The following ADGRV1 variants were observed in gnomAD, a reference collection of about 807,000 sequenced individuals.
The protein encoded by ADGRV1 is G-protein coupled receptor 98.
In ADGRV1, 359 loss-of-function variants were observed where a neutral mutation model predicts 596.2. The ratio of observed to expected loss-of-function variants is 0.60; its 90% CI spans 0.55 to 0.66. ADGRV1 has a LOEUF of 0.66. ADGRV1 is among the 30% of genes least tolerant of loss of function. ADGRV1 has a pLI of 0.00. For missense variants in ADGRV1, 7,274 were observed against 7,575.6 expected (o/e 0.96, Z 1.48); for synonymous variants, 2,681 against 2,679.2 (o/e 1.00, Z -0.02).
At chr5:90,799,764 A>C (rs564902101) in intron 70 of ADGRV1, among the ~76,000 whole-genome samples, 1 of 152,342 alleles carries the variant, frequency 6.6e-6, no homozygotes, top group South Asian at 2.1e-4. Flanking sequence ...GAGGCCTCAG[A>C]AATACACCAC....
At chr5:90,897,346 T>G (rs945921599) in intron 83 of ADGRV1, among the ~76,000 whole-genome samples, 1 of 152,174 alleles carries the variant, frequency 6.6e-6, no homozygotes, top group South Asian at 2.1e-4. Context: ...TTTTTTACCC[T>G]TACCTGCTGC....
intron 60 of ADGRV1, among the ~76,000 whole-genome samples, chr5:90,775,269 G>A (rs1260143369): frequency 1.3e-5 from 2 of 151,940 alleles, no homozygotes; most frequent in South Asian, 2.1e-4. Flanking sequence ...GTATACTTAG[G>A]GTAGTTATAA....
intron 83 of ADGRV1, among the ~76,000 whole-genome samples, chr5:90,892,961 G>A (rs1298972630): frequency 6.6e-6 from 1 of 152,164 alleles, no homozygotes; most frequent in Non-Finnish European, 1.5e-5. Flanking sequence ...GTTGCAAGCA[G>A]ATTTGTCTAT....
intron 83 of ADGRV1, among the ~76,000 whole-genome samples, chr5:90,950,541 C>T (rs757880158): frequency 2.0e-4 from 30 of 152,206 alleles, no homozygotes; most frequent in Non-Finnish European, 2.8e-4. Flanking sequence ...AGGCTGGTCT[C>T]GAACTCATGA....
At chr5:91,022,327 A>C (rs1383954032) in intron 85 of ADGRV1, among the ~76,000 whole-genome samples, 2 of 152,048 alleles carry the variant, frequency 1.3e-5, no homozygotes, top group Non-Finnish European at 2.9e-5. Flanking sequence ...ATCCGGACTT[A>C]GGCTTAGGTC....
intron 85 of ADGRV1, among the ~76,000 whole-genome samples, chr5:91,032,773 G>T (rs532400954): frequency 7.2e-4 from 110 of 152,154 alleles, no homozygotes; most frequent in African/African-American, 2.6e-3. Flanking sequence ...TTTTCTCTTA[G>T]ATGCATATAG....
chr5:90,681,271 GATC>G (rs1580715054), intron 26 of ADGRV1, 41 bp from the exon 27 acceptor site: 1 of 1,595,864 alleles, frequency 6.3e-7, no homozygotes, highest in Non-Finnish European at 8.5e-7. Context: ...GTAAATTACT[GATC>G]ATCATTTTTT....
At chr5:90,726,698 C>A (rs970668985) in intron 48 of ADGRV1, among the ~76,000 whole-genome samples, 1 of 151,670 alleles carries the variant, frequency 6.6e-6, no homozygotes, top group African/African-American at 2.4e-5. Flanking sequence ...TTCTCAGTCC[C>A]CATTGCCAGT....
At chr5:90,804,363 T>C (rs968755284) in intron 71 of ADGRV1, among the ~76,000 whole-genome samples, 7 of 151,516 alleles carry the variant, frequency 4.6e-5, no homozygotes, top group Non-Finnish European at 7.4e-5. Flanking sequence ...GATCGTACCA[T>C]TGCACTCCAG....
chr5:90,728,834 A>T lies in ADGRV1; in HGVS notation c.10327A>T (p.Ile3443Phe). ...LLFRWSGSGF[I>F]NFQEVPVSGT... ...ATTCAGATGGTCTGGCAGTGGGTTTATTAACTTTCAAGAGGTGCCTGTCAG... is the reference window on the plus strand; with the variant it reads ...ATTCAGATGGTCTGGCAGTGGGTTTTTTAACTTTCAAGAGGTGCCTGTCAG... Residue 3443 changes from isoleucine to phenylalanine, a missense_variant, in exon 49 of 90, where the codon ATT (isoleucine) becomes TTT (phenylalanine). Coordinates refer to ENST00000405460, the MANE Select transcript of ADGRV1 (RefSeq NM_032119.4). 6.2e-7 allele frequency: 1 copy of T among 1,613,894 alleles called. No homozygotes were observed. Among genetic ancestry groups the T allele is most frequent in the Non-Finnish European group, 8.5e-7 (1 of 1,179,842 alleles).
At chr5:90,626,361 T>C (rs1764756083) in intron 6 of ADGRV1, 1 of 152,208 alleles carries the variant, frequency 6.6e-6, no homozygotes, top group South Asian at 2.1e-4. Flanking sequence ...TTGAACGGGC[T>C]ATAATTTGGG....
At chr5:90,630,329 A>G (rs936151153) in intron 9 of ADGRV1, 3 of 152,172 alleles carry the variant, frequency 2.0e-5, no homozygotes, top group African/African-American at 7.2e-5. Context: ...CTTTTAAATA[A>G]TATACTCAAA....
At chr5:90,719,859 G>C (rs1335919181) in intron 43 of ADGRV1, among the ~76,000 whole-genome samples, 189 bp from the exon 44 acceptor site, 3 of 152,162 alleles carry the variant, frequency 2.0e-5, no homozygotes, top group Non-Finnish European at 2.9e-5. Flanking sequence ...TCACAAAGTT[G>C]AAAATCCTAA....
intron 1 of ADGRV1, among the ~76,000 whole-genome samples, chr5:90,566,420 T>C (rs552481578): frequency 6.6e-6 from 1 of 152,194 alleles, no homozygotes; most frequent in Admixed American, 6.5e-5. Context: ...TCTTTTTTCA[T>C]TGAATTGGCT....
intron 83 of ADGRV1, among the ~76,000 whole-genome samples, chr5:90,958,861 C>T (rs1318754168): frequency 1.3e-5 from 2 of 152,138 alleles, no homozygotes; most frequent in Admixed American, 6.6e-5. Flanking sequence ...GGAGAGGAAA[C>T]AATTTAGCCC....
chr5:91,113,940 C>G (rs185617648), intron 87 of ADGRV1, among the ~76,000 whole-genome samples: 2 of 147,130 alleles, frequency 1.4e-5, no homozygotes, highest in Non-Finnish European at 3.0e-5. Context: ...AAAAAAATGC[C>G]AGGTGCAGTG....
At chr5:91,146,354 G>C (rs2126872473) in intron 87 of ADGRV1, among the ~76,000 whole-genome samples, 1 of 152,284 alleles carries the variant, frequency 6.6e-6, no homozygotes, top group East Asian at 1.9e-4. Context: ...AGCCAGTGTA[G>C]GCGATGTCAG....
At chr5:91,017,867 G>A (rs1275216710) in intron 85 of ADGRV1, among the ~76,000 whole-genome samples, 8 of 151,732 alleles carry the variant, frequency 5.3e-5, no homozygotes, top group Non-Finnish European at 1.2e-4. Context: ...TGCAGATTGA[G>A]GTTTGAAAGC....
intron 82 of ADGRV1, among the ~76,000 whole-genome samples, chr5:90,861,305 T>C (rs1767528902): frequency 7.1e-6 from 1 of 140,214 alleles, no homozygotes; most frequent in African/African-American, 3.0e-5. Flanking sequence ...TATTTATCTA[T>C]TTTTTTTTTG....
Sources: gnomAD v4.1 joint callset for allele counts (sites outside exome capture counted in the v4.1 genomes callset) on GRCh38, gnomAD v4.1.1 for gene constraint, MANE v1.5 for transcripts, NCBI Gene and HGNC (gene_info 2026-07-23, HGNC 2026-07-21) for gene names.